FRY: variants seen among roughly 807,000 people sequenced by gnomAD.
FRY encodes protein furry homolog.
A neutral mutation model predicts 348.4 loss-of-function variants in FRY; 128 were observed. The observed-to-expected ratio is 0.37, with a 90% CI of 0.32 to 0.43. The LOEUF is 0.43. Ranked by LOEUF, FRY falls within the 20% of genes least tolerant of loss-of-function variation. The pLI, the probability that FRY is intolerant of heterozygous loss-of-function variation, is 1.00. For missense variants in FRY, 2,736 were observed against 3,695.2 expected (o/e 0.74, Z 6.73); for synonymous variants, 1,370 against 1,374.7 (o/e 1.00, Z 0.08).
At chr13:32,155,395 A>G (rs1193419036) in intron 14 of FRY, 96 bp from the exon 15 acceptor site, 2 of 874,898 alleles carry the variant, frequency 2.3e-6, no homozygotes, top group Admixed American at 1.7e-5. Flanking sequence ...ACTCATCTAC[A>G]TGCAATTCAG....
intron 10 of FRY, among the ~76,000 whole-genome samples, chr13:32,136,299 C>T (rs983573322): frequency 8.5e-5 from 13 of 152,106 alleles, no homozygotes; most frequent in Admixed American, 6.5e-4. Context: ...ACAGTAGCAC[C>T]TCTGTTTATT....
At chr13:32,107,021 T>A (rs1877596425) in intron 3 of FRY, among the ~76,000 whole-genome samples, 1 of 152,248 alleles carries the variant, frequency 6.6e-6, no homozygotes, top group Non-Finnish European at 1.5e-5. Flanking sequence ...ATTGGTTTAG[T>A]ATTTCTAAAT....
At chr13:32,146,011 C>G (rs979572516) in intron 11 of FRY, among the ~76,000 whole-genome samples, 1 of 152,036 alleles carries the variant, frequency 6.6e-6, no homozygotes, top group Non-Finnish European at 1.5e-5. Flanking sequence ...TCATGTAGCC[C>G]CTGCTTTCCT....
chr13:32,136,965 A>G lies in FRY; in HGVS notation c.1172A>G (p.Asn391Ser), dbSNP rs200103494. 4 of 1,556,494 alleles carry G rather than the reference A, an allele frequency of 2.6e-6. No individual in the cohort carries two copies. In the African/African-American group the frequency reaches 4.1e-5, roughly 16 times the overall value. Residue 391 changes from asparagine (N) to serine (S), a missense_variant, in exon 11 of 61, where the codon AAC becomes AGC. Physicochemically the swap from Asn to Ser is conservative, Grantham distance 46 (BLOSUM62 1). Around this residue, in one of 9 missense-constraint regions of FRY, gnomAD observed 191 missense variants for 370.2 expected, o/e 0.52. Transcript: ENST00000542859. Reference protein sequence around the residue: ...WHIFLNNCLSNLKNKDPKMAR... With the variant: ...WHIFLNNCLSSLKNKDPKMAR... Reference sequence around the variant, plus strand: ...ATTTTCCTCAACAACTGCTTGTCCAACCTTAAAGTTAGTATTTGTCAGCTC... The same window carrying G: ...ATTTTCCTCAACAACTGCTTGTCCAGCCTTAAAGTTAGTATTTGTCAGCTC...
chr13:32,047,659 C>T (rs1476164729), intron 1 of FRY, among the ~76,000 whole-genome samples: 2 of 152,060 alleles, frequency 1.3e-5, no homozygotes, highest in Admixed American at 6.5e-5. Flanking sequence ...CAACCTCCAC[C>T]TCCTGGGTTC....
intron 28 of FRY, 46 bp downstream of exon 28, chr13:32,187,702 C>A: frequency 1.9e-6 from 2 of 1,050,274 alleles, no homozygotes; most frequent in South Asian, 1.3e-5. Flanking sequence ...CTTCTGTGTT[C>A]TGCCTCAGTT....
chr13:32,074,023 A>G (rs1344457371), intron 1 of FRY, among the ~76,000 whole-genome samples: 1 of 152,228 alleles, frequency 6.6e-6, no homozygotes, highest in Non-Finnish European at 1.5e-5. Flanking sequence ...AAATTAAGCT[A>G]TAAGTCAGTG....
At position 32,247,474 on chromosome 13, in the gene FRY, C is replaced by T. The variant is rs377606246; in HGVS notation, c.6980C>T (p.Thr2327Ile). ...GCTTCCAAGGAATTACCTGGGAAAACCCTGGACTTCCACTTCGATATTTCG... is the reference window on the plus strand; with the variant it reads ...GCTTCCAAGGAATTACCTGGGAAAATCCTGGACTTCCACTTCGATATTTCG... Reference protein sequence around the residue: ...TSASKELPGKTLDFHFDISET... With the variant: ...TSASKELPGKILDFHFDISET... Residue 2327 changes from threonine to isoleucine, a missense_variant, in exon 48 of 61, where the codon ACC becomes ATC. Physicochemically the swap from Thr to Ile is moderately conservative, Grantham distance 89 (BLOSUM62 -1). Transcript: ENST00000542859. The T allele has an allele frequency of 1.9e-6, 3 of 1,613,248 alleles. No individual in the cohort carries two copies. In the Admixed American group the frequency reaches 5.0e-5, roughly 27 times the overall value.
intron 29 of FRY, among the ~76,000 whole-genome samples, chr13:32,201,670 A>T (rs1884038478): frequency 6.6e-6 from 1 of 152,056 alleles, no homozygotes; most frequent in Admixed American, 6.6e-5. Flanking sequence ...GTGTTCTTTT[A>T]TCCTGGTGTC....
At chr13:32,114,414 T>C (rs891896116) in intron 3 of FRY, among the ~76,000 whole-genome samples, 2 of 152,152 alleles carry the variant, frequency 1.3e-5, no homozygotes, top group Non-Finnish European at 2.9e-5. Context: ...GATGAAGAGA[T>C]GTGTAGGGCA....
intron 1 of FRY, among the ~76,000 whole-genome samples, chr13:32,057,364 G>T (rs576124422): frequency 1.3e-5 from 2 of 151,950 alleles, no homozygotes; most frequent in East Asian, 3.9e-4. Context: ...TAGAGACAGG[G>T]TTTCACCATA....
At position 32,171,230 on chromosome 13, in the gene FRY, G is replaced by A. The variant is rs1566109360; in HGVS notation, c.2111G>A (p.Gly704Glu). The A allele has an allele frequency of 5.0e-6, 8 of 1,608,788 alleles. No individual in the cohort carries two copies. Among genetic ancestry groups the A allele is most frequent in the Non-Finnish European group, 6.8e-6 (8 of 1,177,692 alleles). ...TQWKLVIQTQ[G>E]KVYEQANKIR... The stretch of plus-strand genomic sequence containing the variant: ...TGGAAACTAGTCATCCAGACACAAG[G>A]AAAAGTCTATGAACAAGCCAACAAA... The change falls in exon 18 of 61, where the codon GGA (glycine) becomes GAA (glutamate). Residue 704 changes from glycine (G) to glutamate (E), a missense_variant. Gly to Glu is a moderately conservative substitution (Grantham distance 98, BLOSUM62 -2). Transcript: ENST00000542859.
At chr13:32,136,352 A>G (rs1327073530) in intron 10 of FRY, among the ~76,000 whole-genome samples, 2 of 152,222 alleles carry the variant, frequency 1.3e-5, no homozygotes, top group East Asian at 1.9e-4. Flanking sequence ...TTGTCTTGGT[A>G]GAGTTTACCA....
chr13:32,041,960 A>C (rs1205818417), intron 1 of FRY, among the ~76,000 whole-genome samples: 2 of 152,246 alleles, frequency 1.3e-5, no homozygotes, highest in Non-Finnish European at 2.9e-5. Flanking sequence ...AAAATGTTTG[A>C]ACTTTAAGAA....
chr13:32,209,213 A>G, intron 32 of FRY, 104 bp downstream of exon 32: 1 of 1,264,370 alleles, frequency 7.9e-7, no homozygotes, highest in Non-Finnish European at 1.1e-6. Context: ...TAAAAATCAC[A>G]TGACTGGGGA....
At chr13:32,286,060 A>G (rs975919415) in intron 58 of FRY, among the ~76,000 whole-genome samples, 22 of 152,236 alleles carry the variant, frequency 1.4e-4, no homozygotes, top group African/African-American at 4.6e-4. Flanking sequence ...CCAACCCCAC[A>G]TGATAAGCAA....
intron 1 of FRY, among the ~76,000 whole-genome samples, chr13:32,064,045 T>C (rs1315375810): frequency 1.3e-5 from 2 of 152,336 alleles, no homozygotes; most frequent in East Asian, 3.9e-4. Flanking sequence ...AGCAAATTCC[T>C]TGCCCTTGTT....
At chr13:32,133,768 CTTTTTTTTTT>C (rs34413710) in intron 8 of FRY, among the ~76,000 whole-genome samples, 6 of 89,286 alleles carry the variant, frequency 6.7e-5, no homozygotes, top group South Asian at 8.4e-4. Flanking sequence ...TTCTTTCTTT[CTTTTTTTTTT>C]TTTTTTTTTT....
intron 51 of FRY, among the ~76,000 whole-genome samples, chr13:32,256,373 A>G (rs1430274454): frequency 6.6e-6 from 1 of 152,094 alleles, no homozygotes; most frequent in African/African-American, 2.4e-5. Flanking sequence ...CCCTGTCTCT[A>G]CAAAATTTAA....
Sources: gnomAD v4.1 joint callset for allele counts (sites outside exome capture counted in the v4.1 genomes callset) on GRCh38, gnomAD v4.1.1 for gene constraint, gnomAD v4.1.1 regional missense constraint, MANE v1.5 for transcripts, NCBI Gene and HGNC (gene_info 2026-07-23, HGNC 2026-07-21) for gene names.